DPP6: variants seen among roughly 807,000 people sequenced by gnomAD.
DPP6 encodes the protein dipeptidyl peptidase like 6, also known as A-type potassium channel modulatory protein DPP6.
DPP6 carries 69 observed loss-of-function variants against 122.6 expected under a neutral mutation model. That is an observed-to-expected ratio of 0.56 (90% CI 0.46 to 0.69). The LOEUF (loss-of-function observed/expected upper bound fraction) is 0.69. Ranked by LOEUF, DPP6 falls within the 30% of genes least tolerant of loss-of-function variation. The pLI, the probability that DPP6 is intolerant of heterozygous loss-of-function variation, is 0.00. For missense variants in DPP6, 928 were observed against 1,116.9 expected, an observed-to-expected ratio of 0.83 and a Z score of 2.41; for synonymous variants, 418 against 433.1, an observed-to-expected ratio of 0.97 and a Z score of 0.43.
chr7:154,710,243 G>T (rs1420368660), intron 7 of DPP6, among the ~76,000 whole-genome samples: 1 of 152,188 alleles, frequency 6.6e-6, no homozygotes, highest in East Asian at 1.9e-4. Flanking sequence ...GTGCACGAGG[G>T]TCACCAGACT....
chr7:154,358,760 C>G (rs1234407504), intron 1 of DPP6, among the ~76,000 whole-genome samples: 1 of 152,184 alleles, frequency 6.6e-6, no homozygotes, highest in Non-Finnish European at 1.5e-5. Context: ...GGCTGGAATG[C>G]AATGACGTGA....
At chr7:154,679,496 G>T (rs1339474425) in intron 7 of DPP6, among the ~76,000 whole-genome samples, 1 of 152,134 alleles carries the variant, frequency 6.6e-6, no homozygotes, top group Non-Finnish European at 1.5e-5. Context: ...GCAGAAATGG[G>T]CCCGTCGCCT....
intron 3 of DPP6, among the ~76,000 whole-genome samples, chr7:154,527,128 A>G (rs1827469339): frequency 6.6e-6 from 1 of 152,152 alleles, no homozygotes; most frequent in South Asian, 2.1e-4. Context: ...TAGTAAATAA[A>G]CCTCCAAATC....
At chr7:154,815,366 G>C (rs1005932784) in intron 16 of DPP6, among the ~76,000 whole-genome samples, 3 of 152,216 alleles carry the variant, frequency 2.0e-5, no homozygotes, top group Non-Finnish European at 2.9e-5. Context: ...AACAAGTTCT[G>C]TAGGGTTTTC....
chr7:154,673,624 C>T (rs552897093), intron 7 of DPP6, among the ~76,000 whole-genome samples: 4 of 152,250 alleles, frequency 2.6e-5, no homozygotes, highest in East Asian at 1.9e-4. Flanking sequence ...TGCTTCCAAA[C>T]GTTTGCTGAG....
At chr7:154,150,917 G>A (rs551322261) in intron 1 of DPP6, among the ~76,000 whole-genome samples, 3 of 152,192 alleles carry the variant, frequency 2.0e-5, no homozygotes, top group Non-Finnish European at 4.4e-5. Flanking sequence ...TAAAGGCCAG[G>A]AGAGAGGCTG....
chr7:154,377,896 G>T (rs1050164395), intron 1 of DPP6, among the ~76,000 whole-genome samples: 1 of 152,126 alleles, frequency 6.6e-6, no homozygotes, highest in Non-Finnish European at 1.5e-5. Context: ...GAGCCACTTG[G>T]GCACTGCATG....
chr7:154,742,820 G>A (rs986486102), intron 8 of DPP6, among the ~76,000 whole-genome samples: 2 of 152,306 alleles, frequency 1.3e-5, no homozygotes, highest in Non-Finnish European at 2.9e-5. Flanking sequence ...AGCTGCCTTG[G>A]TGTTTAGGAG....
intron 1 of DPP6, among the ~76,000 whole-genome samples, chr7:154,263,750 C>T (rs1418330737): frequency 1.3e-5 from 2 of 152,212 alleles, no homozygotes; most frequent in Admixed American, 6.5e-5. Context: ...TGCAATGGCA[C>T]GATCTCGGCT....
chr7:154,121,727 T>C (rs183324329), intron 1 of DPP6, among the ~76,000 whole-genome samples: 7 of 152,320 alleles, frequency 4.6e-5, no homozygotes, highest in African/African-American at 1.2e-4. Context: ...ATGTTTCAGG[T>C]GCACTGGGGG....
intron 1 of DPP6, among the ~76,000 whole-genome samples, chr7:154,155,981 C>T (rs1796657921): frequency 2.0e-5 from 3 of 152,244 alleles, no homozygotes; most frequent in Admixed American, 1.3e-4. Context: ...CTGGCAGTGC[C>T]TTCCTTCAGA....
At chr7:153,843,056 A>T in the DPP6 span, among the ~76,000 whole-genome samples, 1 of 152,114 alleles carries the variant, frequency 6.6e-6, no homozygotes, top group Non-Finnish European at 1.5e-5. Flanking sequence ...ACATGAGTGC[A>T]TACACGAGTG....
chr7:154,804,047 C>CAGGAGGAAAG, intron 14 of DPP6, 92 bp downstream of exon 14: 1 of 1,459,648 alleles, frequency 6.9e-7, no homozygotes, highest in Non-Finnish European at 9.3e-7. Context: ...TACAGGAGCA[C>CAGGAGGAAAG]AGGAGGCCTC....
intron 1 of DPP6, among the ~76,000 whole-genome samples, chr7:154,436,919 C>T (rs1006190777): frequency 1.3e-5 from 2 of 152,184 alleles, no homozygotes; most frequent in African/African-American, 4.8e-5. Context: ...ATCTTATATT[C>T]TTTACTGTCT....
intron 1 of DPP6, among the ~76,000 whole-genome samples, chr7:154,055,031 G>A (rs1268054957): frequency 6.6e-6 from 1 of 150,442 alleles, no homozygotes; most frequent in East Asian, 2.0e-4. Flanking sequence ...GATATAACAT[G>A]TACATTTGTT....
intron 1 of DPP6, among the ~76,000 whole-genome samples, chr7:154,261,919 A>G (rs932552262): frequency 9.9e-5 from 15 of 152,128 alleles, no homozygotes; most frequent in African/African-American, 3.6e-4. Context: ...TCTAGGGGAA[A>G]AAACTGGAAA....
chr7:154,722,990 G>A (rs759032358), intron 7 of DPP6, among the ~76,000 whole-genome samples: 17 of 152,306 alleles, frequency 1.1e-4, no homozygotes, highest in Admixed American at 4.6e-4. Flanking sequence ...GTGAGGCACA[G>A]TGGCTTATGC....
intron 1 of DPP6, among the ~76,000 whole-genome samples, chr7:153,944,663 G>GTTTTTTTT (rs769081715): frequency 4.8e-5 from 5 of 103,998 alleles, no homozygotes; most frequent in East Asian, 2.6e-4. Flanking sequence ...TTTTTGTGTG[G>GTTTTTTTT]GTTTTTTTTT....
chr7:154,672,133 A>T (rs1838605979), intron 7 of DPP6, among the ~76,000 whole-genome samples: 1 of 152,078 alleles, frequency 6.6e-6, no homozygotes, highest in South Asian at 2.1e-4. Context: ...GTGAGTTCTC[A>T]CGAGATCTGA....
Sources: allele counts gnomAD v4.1 joint callset (sites outside exome capture counted in the v4.1 genomes callset), GRCh38; gene constraint gnomAD v4.1.1; transcripts MANE v1.5; gene names NCBI Gene and HGNC (gene_info 2026-07-23, HGNC 2026-07-21).